The following CACNA1D variants were observed in gnomAD, a reference collection of about 807,000 sequenced individuals.
The protein encoded by CACNA1D is calcium voltage-gated channel subunit alpha1 D, also known as voltage-dependent L-type calcium channel subunit alpha-1D.
A neutral mutation model predicts 257.1 loss-of-function variants in CACNA1D; 55 were observed. That is an observed-to-expected ratio of 0.21 (90% CI 0.17 to 0.27). The LOEUF (loss-of-function observed/expected upper bound fraction) is 0.27, where lower values mean the gene tolerates loss of function less well. Ranked by LOEUF, CACNA1D falls within the 10% of genes least tolerant of loss-of-function variation. CACNA1D has a pLI of 1.00. For synonymous variants in CACNA1D, 980 were observed against 1,014.9 expected (o/e 0.97, Z 0.65); for missense variants, 1,876 against 2,784.0 (o/e 0.67, Z 7.34).
intron 8 of CACNA1D, among the ~76,000 whole-genome samples, chr3:53,695,820 G>C (rs569146245): frequency 2.6e-5 from 4 of 152,062 alleles, no homozygotes; most frequent in Admixed American, 6.5e-5. Flanking sequence ...TTCTGTTCAC[G>C]CATAACACCT....
chr3:53,641,066 A>G (rs1330731710), intron 3 of CACNA1D, among the ~76,000 whole-genome samples: 1 of 152,192 alleles, frequency 6.6e-6, no homozygotes, highest in Non-Finnish European at 1.5e-5. Context: ...CGTACCTTCC[A>G]GTGAGTATGC....
At chr3:53,769,079 A>G (rs551675809) in intron 30 of CACNA1D, among the ~76,000 whole-genome samples, 2 of 152,108 alleles carry the variant, frequency 1.3e-5, no homozygotes, top group African/African-American at 4.8e-5. Context: ...TTTGCTTCCA[A>G]CTCCTCTGTG....
chr3:53,689,967 T>G (rs933348439), intron 8 of CACNA1D, among the ~76,000 whole-genome samples: 9 of 152,240 alleles, frequency 5.9e-5, no homozygotes, highest in African/African-American at 2.2e-4. Context: ...GCTAGATTTT[T>G]TTTTAATTGC....
chr3:53,704,913 A>G (rs888245513), intron 9 of CACNA1D, among the ~76,000 whole-genome samples: 10 of 152,214 alleles, frequency 6.6e-5, no homozygotes, highest in African/African-American at 1.4e-4. Flanking sequence ...TGTTGCTAAC[A>G]TTAGTCGTGG....
intron 20 of CACNA1D, among the ~76,000 whole-genome samples, chr3:53,739,879 A>G (rs79405904): frequency 4.6e-5 from 7 of 152,232 alleles, no homozygotes. Context: ...ATGGAGGGCA[A>G]CATACTTCAT....
chr3:53,689,668 AT>A (rs1431199882), intron 8 of CACNA1D, among the ~76,000 whole-genome samples: 1 of 151,954 alleles, frequency 6.6e-6, no homozygotes, highest in African/African-American at 2.4e-5. Flanking sequence ...TTTTAAAAAT[AT>A]TTTTTATAGA....
intron 19 of CACNA1D, among the ~76,000 whole-genome samples, chr3:53,733,644 A>T (rs1378962426): frequency 6.6e-6 from 1 of 152,164 alleles, no homozygotes; most frequent in Non-Finnish European, 1.5e-5. Flanking sequence ...GCTAGTTTCT[A>T]GGTTTTAAAT....
At chr3:53,758,617 T>G (rs1199473392) in intron 29 of CACNA1D, among the ~76,000 whole-genome samples, 1 of 152,234 alleles carries the variant, frequency 6.6e-6, no homozygotes, top group African/African-American at 2.4e-5. Flanking sequence ...GAGGCCCACA[T>G]TAGTCTGGTT....
At chr3:53,554,439 C>T (rs534833027) in intron 3 of CACNA1D, among the ~76,000 whole-genome samples, 1 of 152,338 alleles carries the variant, frequency 6.6e-6, no homozygotes, top group East Asian at 1.9e-4. Context: ...CCCTCACTCT[C>T]CAGGCCTTTC....
intron 29 of CACNA1D, among the ~76,000 whole-genome samples, chr3:53,756,534 G>A (rs948274827): frequency 1.3e-5 from 2 of 152,198 alleles, no homozygotes; most frequent in Non-Finnish European, 2.9e-5. Flanking sequence ...AGCCGATTGT[G>A]GGTTCCCGAA....
At chr3:53,736,364 A>G (rs1480508155) in intron 20 of CACNA1D, among the ~76,000 whole-genome samples, 1 of 152,056 alleles carries the variant, frequency 6.6e-6, no homozygotes, top group Non-Finnish European at 1.5e-5. Flanking sequence ...AGAATATATA[A>G]TGAATGTTAA....
intron 3 of CACNA1D, among the ~76,000 whole-genome samples, chr3:53,607,071 T>A (rs1272522419): frequency 6.6e-6 from 1 of 152,222 alleles, no homozygotes; most frequent in Admixed American, 6.5e-5. Flanking sequence ...GAAACATTGT[T>A]TTGGCTATGA....
At chr3:53,523,708 C>T (rs1163793211) in intron 3 of CACNA1D, among the ~76,000 whole-genome samples, 1 of 152,226 alleles carries the variant, frequency 6.6e-6, no homozygotes, top group Non-Finnish European at 1.5e-5. Context: ...CCCCCCTTTG[C>T]CACTCTCATA....
intron 3 of CACNA1D, among the ~76,000 whole-genome samples, chr3:53,506,200 C>G (rs899468311): frequency 3.3e-5 from 5 of 152,210 alleles, no homozygotes; most frequent in African/African-American, 9.7e-5. Context: ...GTCTATTCTT[C>G]TCAGACAGCT....
intron 12 of CACNA1D, among the ~76,000 whole-genome samples, chr3:53,722,714 A>C (rs1016967244): frequency 3.9e-5 from 6 of 152,176 alleles, no homozygotes; most frequent in Non-Finnish European, 8.8e-5. Context: ...CCCTGAGCCA[A>C]CCTAGGACCA....
intron 20 of CACNA1D, among the ~76,000 whole-genome samples, chr3:53,738,968 C>T (rs2095086842): frequency 6.6e-6 from 1 of 151,948 alleles, no homozygotes; most frequent in African/African-American, 2.4e-5. Flanking sequence ...GGGAAGACAC[C>T]TTCCATAGCC....
At chr3:53,516,270 C>A (rs530925501) in intron 3 of CACNA1D, among the ~76,000 whole-genome samples, 5 of 152,304 alleles carry the variant, frequency 3.3e-5, no homozygotes, top group African/African-American at 1.2e-4. Context: ...TCCTATACCC[C>A]CCTTGAAGTG....
rs1377340366 is a variant in CACNA1D, at chr3:53,803,511, G to A, written c.5524G>A (p.Glu1842Lys). 6 of 1,614,164 alleles carry A rather than the reference G, an allele frequency of 3.7e-6. No individual in the cohort carries two copies. The highest frequency in any genetic ancestry group is 2.2e-5 in the East Asian group (1 of 44,872). Residue 1842 changes from glutamate (E) to lysine (K), a missense_variant, in exon 44 of 48, where the codon GAG becomes AAG. This residue lies in a region of CACNA1D where 491 missense variants were observed against 554.3 expected (regional missense o/e 0.89). Coordinates refer to ENST00000350061, the MANE Select transcript of CACNA1D (RefSeq NM_001128840.3). ...GYFRDPHCLG[E>K]QEYFSSEECY... Reference sequence around the variant, plus strand: ...TTTCAGGGACCCCCACTGCTTGGGGGAGCAGGAGTATTTCAGTAGTGAGGA... The same window carrying A: ...TTTCAGGGACCCCCACTGCTTGGGGAAGCAGGAGTATTTCAGTAGTGAGGA...
chr3:53,809,044 C>A, intron 46 of CACNA1D: 2 of 483,792 alleles, frequency 4.1e-6, no homozygotes, highest in Non-Finnish European at 7.5e-6. Context: ...CGATCCCCAC[C>A]ACCTCTTCCT....
Sources: gnomAD v4.1 joint callset for allele counts (sites outside exome capture counted in the v4.1 genomes callset) on GRCh38, gnomAD v4.1.1 for gene constraint, gnomAD v4.1.1 regional missense constraint, MANE v1.5 for transcripts, NCBI Gene and HGNC (gene_info 2026-07-23, HGNC 2026-07-21) for gene names.